The following NRDC variants were observed in gnomAD, a reference collection of about 807,000 sequenced individuals.
NRDC encodes nardilysin convertase, also known as nardilysin.
In NRDC, 54 loss-of-function variants were observed where a neutral mutation model predicts 147.1. The observed-to-expected ratio is 0.37, with a 90% CI of 0.29 to 0.46. The LOEUF (loss-of-function observed/expected upper bound fraction) is 0.46. Among genes scored for constraint, NRDC ranks in the 20% least tolerant of loss-of-function variants. The pLI, the probability that NRDC is intolerant of heterozygous loss-of-function variation, is 1.00. For missense variants in NRDC, 1,082 were observed against 1,370.6 expected (o/e 0.79, Z 3.33); for synonymous variants, 440 against 482.1 (o/e 0.91, Z 1.14).
intron 1 of NRDC, among the ~76,000 whole-genome samples, chr1:51,870,598 A>G (rs997357014): frequency 9.2e-5 from 14 of 152,082 alleles, no homozygotes; most frequent in African/African-American, 3.4e-4. Context: ...TACTTTACAA[A>G]TAAGAGGGGA....
intron 1 of NRDC, among the ~76,000 whole-genome samples, chr1:51,848,849 CA>C (rs1681789238): frequency 6.6e-6 from 1 of 152,076 alleles, no homozygotes; most frequent in South Asian, 2.1e-4. Context: ...AACTGAAGCA[CA>C]AAAAAGGTCT....
At chr1:51,837,729 G>A in intron 2 of NRDC, 1 of 761,482 alleles carries the variant, frequency 1.3e-6, no homozygotes. Context: ...TTAATTCAAT[G>A]TATATCATAT....
rs182217356 is a variant in NRDC at position 51,865,414 on chromosome 1, C to T, written c.341+12861G>A. 4.9e-4 allele frequency among the ~76,000 whole-genome samples: 74 copies of T among 151,858 alleles called. 1 individual carries two copies. In the East Asian group the frequency reaches 0.013, roughly 27 times the overall value. ...CGCCTCCCCGGGTTCAAGCGATACTCCCACCTCAGCCTCCCGAGTAGCCAG... is the reference window on the plus strand; with the variant it reads ...CGCCTCCCCGGGTTCAAGCGATACTTCCACCTCAGCCTCCCGAGTAGCCAG... On this transcript the variant is annotated intron_variant, in intron 1 of 30. Coordinates refer to ENST00000352171, the MANE Select transcript of NRDC (RefSeq NM_001101662.2).
chr1:51,834,303 T>TA, intron 3 of NRDC, 133 bp from the exon 4 acceptor site: 1 of 780,266 alleles, frequency 1.3e-6, no homozygotes, highest in Non-Finnish European at 1.9e-6. Flanking sequence ...GTCTGAATTC[T>TA]TTTTTTTTTC....
intron 4 of NRDC, among the ~76,000 whole-genome samples, chr1:51,831,213 C>T (rs1174972095): frequency 6.6e-6 from 1 of 152,152 alleles, no homozygotes; most frequent in Non-Finnish European, 1.5e-5. Flanking sequence ...AAACAAATTT[C>T]TTAACTACAT....
Position 51,790,984 on chromosome 1 carries a change from T to TTCAGAACTGAAACAAAACATCTTCAA in NRDC, c.2961-20_2966dup (p.Glu989AspfsTer2). ...ACTCTTCTATCTTCTTATCAACAAC[T>TTCAGAACTGAAACAAAACATCTTCAA]TCAGAACTGAAACAAAACATCTTCA... On this transcript the variant is annotated stop_gained and frameshift_variant, in exon 28 of 31. Coordinates refer to ENST00000352171, the MANE Select transcript of NRDC (RefSeq NM_001101662.2). LOFTEE classifies it high-confidence loss of function. 6.2e-7 allele frequency: 1 copy of TTCAGAACTGAAACAAAACATCTTCAA among 1,609,650 alleles called. No homozygotes were observed. The highest frequency in any genetic ancestry group is 2.3e-5 in the East Asian group (1 of 44,340).
At chr1:51,873,426 C>T (rs1683173855) in intron 1 of NRDC, among the ~76,000 whole-genome samples, 1 of 151,880 alleles carries the variant, frequency 6.6e-6, no homozygotes, top group South Asian at 2.1e-4. Context: ...TCAGAAATAG[C>T]CTGTACCTTA....
Position 51,806,938 on chromosome 1 carries a change from T to TCA in NRDC, c.1991-27_1991-26dup, listed in dbSNP as rs777835228. Reference sequence around the variant, plus strand: ...GCTAATAAAAGAAGATAATAATAATTCACTCAAGTATTTCAGCAGGAGCCC... The same window carrying TCA: ...GCTAATAAAAGAAGATAATAATAATTCACACTCAAGTATTTCAGCAGGAGCCC... On this transcript the variant is annotated intron_variant, in intron 17 of 30. Coordinates refer to ENST00000352171, the MANE Select transcript of NRDC (RefSeq NM_001101662.2). 2.5e-6 allele frequency: 4 copies of TCA among 1,606,566 alleles called. No homozygotes were observed. In the African/African-American group the frequency reaches 5.4e-5, roughly 22 times the overall value.
intron 1 of NRDC, among the ~76,000 whole-genome samples, chr1:51,873,835 T>G (rs1461458913): frequency 6.6e-6 from 1 of 151,612 alleles, no homozygotes; most frequent in Admixed American, 6.6e-5. Flanking sequence ...GATAACCATC[T>G]CCTCACTTGT....
chr1:51,865,795 G>T (rs1682776544), intron 1 of NRDC, among the ~76,000 whole-genome samples: 1 of 151,856 alleles, frequency 6.6e-6, no homozygotes, highest in Non-Finnish European at 1.5e-5. Context: ...GCTCACGCCT[G>T]TATTCCCAGC....
chr1:51,837,061 C>T (rs189665154), intron 2 of NRDC, among the ~76,000 whole-genome samples: 57 of 150,818 alleles, frequency 3.8e-4, no homozygotes, highest in Admixed American at 3.8e-3. Flanking sequence ...GGATTATAGG[C>T]GTGAGCCACT....
rs369209743 is a variant in NRDC at position 51,834,208 on chromosome 1, T to C, written c.713-38A>G. 7.6e-5 allele frequency: 121 copies of C among 1,600,958 alleles called. 1 individual carries two copies. Among genetic ancestry groups the C allele is most frequent in the South Asian group, 2.9e-4 (26 of 90,198 alleles). On this transcript the variant is annotated intron_variant, in intron 3 of 30. Coordinates refer to ENST00000352171, the MANE Select transcript of NRDC (RefSeq NM_001101662.2). Reference sequence around the variant, plus strand: ...AACACAAAGTCACACAACACAAAGATATAGAAAATATTTTTATCACACATG... The same window carrying C: ...AACACAAAGTCACACAACACAAAGACATAGAAAATATTTTTATCACACATG...
chr1:51,860,623 C>T (rs1278430641), intron 1 of NRDC, among the ~76,000 whole-genome samples: 1 of 152,158 alleles, frequency 6.6e-6, no homozygotes, highest in Non-Finnish European at 1.5e-5. Context: ...AGCTTTCTTC[C>T]AATTGGTCTT....
At chr1:51,807,917 T>C (rs1679542866) in intron 17 of NRDC, among the ~76,000 whole-genome samples, 1 of 151,738 alleles carries the variant, frequency 6.6e-6, no homozygotes. Context: ...GTGATTCTCC[T>C]GCCTTAGCCT....
chr1:51,848,912 T>G (rs763276094), intron 1 of NRDC, among the ~76,000 whole-genome samples: 43 of 152,304 alleles, frequency 2.8e-4, no homozygotes, highest in Non-Finnish European at 4.3e-4. Context: ...CTAAGTAGCA[T>G]GACACTAGAA....
Position 51,823,657 on chromosome 1 carries a change from T to C in NRDC, c.1159+7A>G. The C allele has an allele frequency of 6.2e-7, 1 of 1,603,196 alleles. No homozygotes were observed. Among genetic ancestry groups the C allele is most frequent in the Non-Finnish European group, 8.5e-7 (1 of 1,174,132 alleles). On this transcript the variant is annotated splice_region_variant and intron_variant, in intron 7 of 30. Coordinates refer to ENST00000352171, the MANE Select transcript of NRDC (RefSeq NM_001101662.2). ...AGGTAACTCTAAGAGCCATAATTAATAGTTACCTTTGGATTGAACCACTAA... is the reference window on the plus strand; with the variant it reads ...AGGTAACTCTAAGAGCCATAATTAACAGTTACCTTTGGATTGAACCACTAA...
rs144782232 is a variant in NRDC at position 51,854,909 on chromosome 1, A to G, written c.342-14395T>C. Among the ~76,000 whole-genome samples, 672 of 152,334 alleles carry G rather than the reference A, an allele frequency of 4.4e-3. 15 individuals carry two copies. Among genetic ancestry groups the G allele is most frequent in the East Asian group, 0.035 (184 of 5,184 alleles). On this transcript the variant is annotated intron_variant, in intron 1 of 30. Transcript: ENST00000352171. ...ATCTGCCAGCACAGCAACCTCATAT[A>G]GAGAGGAACTGGGGACTGAACTCTG...
chr1:51,852,911 C>T (rs577769639), intron 1 of NRDC, among the ~76,000 whole-genome samples: 1 of 151,916 alleles, frequency 6.6e-6, no homozygotes, highest in African/African-American at 2.4e-5. Context: ...ATCTGAGGGC[C>T]CCTTTCAGAA....
intron 15 of NRDC, 116 bp from the exon 16 acceptor site, chr1:51,810,520 C>T: frequency 1.1e-6 from 1 of 877,856 alleles, no homozygotes; most frequent in Non-Finnish European, 1.7e-6. Flanking sequence ...CATAAAAATA[C>T]CTACAGTTCA....
Sources: gnomAD v4.1 joint callset for allele counts (sites outside exome capture counted in the v4.1 genomes callset) on GRCh38, gnomAD v4.1.1 for gene constraint, MANE v1.5 for transcripts, NCBI Gene and HGNC (gene_info 2026-07-23, HGNC 2026-07-21) for gene names.